The following DPP6 variants were observed in gnomAD, a reference collection of about 807,000 sequenced individuals.
DPP6 encodes A-type potassium channel modulatory protein DPP6.
DPP6 carries 69 observed loss-of-function variants against 122.6 expected under a neutral mutation model. The ratio of observed to expected loss-of-function variants is 0.56; its 90% CI spans 0.46 to 0.69. DPP6 has a LOEUF of 0.69. DPP6 is among the 30% of genes least tolerant of loss of function. The pLI is 0.00. For missense variants in DPP6, 928 were observed against 1,116.9 expected, an observed-to-expected ratio of 0.83 and a Z score of 2.41; for synonymous variants, 418 against 433.1, an observed-to-expected ratio of 0.97 and a Z score of 0.43.
intron 2 of DPP6, among the ~76,000 whole-genome samples, chr7:154,468,196 A>C (rs532449538): frequency 6.6e-6 from 1 of 152,364 alleles, no homozygotes; most frequent in South Asian, 2.1e-4. Context: ...ACTATCTGAA[A>C]TAAGCCAGTC....
intron 7 of DPP6, among the ~76,000 whole-genome samples, chr7:154,697,571 G>A (rs891328050): frequency 6.6e-6 from 1 of 152,238 alleles, no homozygotes; most frequent in Non-Finnish European, 1.5e-5. Context: ...TCTGAGGTCT[G>A]TTTGGCAGAG....
At chr7:153,782,926 G>A in the DPP6 span, among the ~76,000 whole-genome samples, 11 of 152,230 alleles carry the variant, frequency 7.2e-5, no homozygotes, top group East Asian at 1.4e-3. Flanking sequence ...GATTTTTAAC[G>A]CCATGTGCGA....
chr7:153,788,380 C>A, the DPP6 span, among the ~76,000 whole-genome samples: 3 of 152,126 alleles, frequency 2.0e-5, no homozygotes, highest in Admixed American at 2.0e-4. Flanking sequence ...GTTACTCATA[C>A]GTGCAAAAGT....
intron 5 of DPP6, among the ~76,000 whole-genome samples, chr7:154,619,310 T>A (rs544256555): frequency 2.0e-5 from 3 of 152,326 alleles, no homozygotes; most frequent in African/African-American, 7.2e-5. Context: ...TATCTTCAAA[T>A]CAACGTAAGC....
At chr7:154,406,820 A>C (rs1232630443) in intron 1 of DPP6, among the ~76,000 whole-genome samples, 2 of 152,200 alleles carry the variant, frequency 1.3e-5, no homozygotes, top group African/African-American at 4.8e-5. Context: ...GATCAAATAA[A>C]GAGCAGGATG....
chr7:154,392,761 C>T (rs752853535), intron 1 of DPP6, among the ~76,000 whole-genome samples: 2 of 152,132 alleles, frequency 1.3e-5, no homozygotes, highest in Admixed American at 6.5e-5. Context: ...CCAGGAGGCA[C>T]AAGGTTATAA....
At chr7:154,775,539 A>C (rs921252321) in intron 10 of DPP6, among the ~76,000 whole-genome samples, 8 of 152,158 alleles carry the variant, frequency 5.3e-5, no homozygotes, top group Non-Finnish European at 1.0e-4. Flanking sequence ...TGTGTCCAAG[A>C]CTTTATTAAA....
chr7:153,830,592 GCT>G, the DPP6 span, among the ~76,000 whole-genome samples: 1 of 152,154 alleles, frequency 6.6e-6, no homozygotes, highest in Admixed American at 6.5e-5. Context: ...ATGGACAGGA[GCT>G]CTCTTTTCTC....
intron 1 of DPP6, among the ~76,000 whole-genome samples, chr7:153,952,426 C>T (rs1186458189): frequency 6.6e-6 from 1 of 152,220 alleles, no homozygotes; most frequent in Non-Finnish European, 1.5e-5. Flanking sequence ...AGGTAAATCT[C>T]ACTCAGATTC....
chr7:154,517,424 A>T (rs1215423697), intron 3 of DPP6, among the ~76,000 whole-genome samples: 1 of 152,176 alleles, frequency 6.6e-6, no homozygotes, highest in African/African-American at 2.4e-5. Flanking sequence ...GATGACAAAA[A>T]TCTTGAATGA....
intron 1 of DPP6, among the ~76,000 whole-genome samples, chr7:154,002,645 C>CCAT (rs1402390348): frequency 6.6e-6 from 1 of 152,004 alleles, no homozygotes; most frequent in African/African-American, 2.4e-5. Flanking sequence ...AAAGTGAAAA[C>CCAT]CATCACTTGG....
the DPP6 span, among the ~76,000 whole-genome samples, chr7:153,757,587 AC>A: frequency 5.9e-5 from 9 of 152,242 alleles, no homozygotes; most frequent in East Asian, 5.8e-4. Context: ...GCCTTTGTTC[AC>A]CTGTGTGAAA....
At chr7:154,156,765 ATAGGTAGG>A (rs533660351) in intron 1 of DPP6, among the ~76,000 whole-genome samples, 5 of 152,046 alleles carry the variant, frequency 3.3e-5, no homozygotes, top group South Asian at 2.1e-4. Context: ...GGAGGTATAG[ATAGGTAGG>A]TAGGTAGGTA....
At chr7:154,748,336 G>A (rs1843134223) in intron 8 of DPP6, among the ~76,000 whole-genome samples, 1 of 152,214 alleles carries the variant, frequency 6.6e-6, no homozygotes, top group African/African-American at 2.4e-5. Context: ...TTTGCACAAA[G>A]GGAAGCAGAC....
intron 1 of DPP6, among the ~76,000 whole-genome samples, chr7:154,028,852 G>A (rs907611782): frequency 2.6e-5 from 4 of 152,012 alleles, no homozygotes; most frequent in African/African-American, 4.8e-5. Flanking sequence ...TGTGCTGCCC[G>A]CAGCCAGAGG....
At chr7:154,125,209 T>C (rs1389247064) in intron 1 of DPP6, among the ~76,000 whole-genome samples, 8 of 152,198 alleles carry the variant, frequency 5.3e-5, no homozygotes, top group Non-Finnish European at 4.4e-5. Context: ...CATGACACTC[T>C]GCTGTGTGGA....
chr7:153,824,430 T>C, the DPP6 span, among the ~76,000 whole-genome samples: 1 of 146,476 alleles, frequency 6.8e-6, no homozygotes, highest in Non-Finnish European at 1.5e-5. Flanking sequence ...CTCATGCCTG[T>C]AATCCCAGCA....
intron 1 of DPP6, among the ~76,000 whole-genome samples, chr7:154,226,489 A>T (rs946468316): frequency 2.6e-5 from 4 of 152,224 alleles, no homozygotes; most frequent in Non-Finnish European, 5.9e-5. Flanking sequence ...GATTACTCCA[A>T]GACACAGGGA....
intron 5 of DPP6, among the ~76,000 whole-genome samples, chr7:154,616,097 G>T (rs749120): frequency 0.38 from 58,369 of 152,038 alleles, 11,937 homozygotes; most frequent in East Asian, 0.61. Flanking sequence ...TTCCTGGGAT[G>T]ATTTGGGTAC....
Sources: gnomAD v4.1 joint callset for allele counts (sites outside exome capture counted in the v4.1 genomes callset) on GRCh38, gnomAD v4.1.1 for gene constraint, MANE v1.5 for transcripts, NCBI Gene and HGNC (gene_info 2026-07-23, HGNC 2026-07-21) for gene names.